Variants in DNAAF6 observed in about 807,000 individuals in gnomAD.
DNAAF6 encodes the protein dynein axonemal assembly factor 6.
DNAAF6 carries 3 observed loss-of-function variants against 13.7 expected under a neutral mutation model. The observed-to-expected ratio is 0.22, with a 90% confidence interval of 0.10 to 0.56. The LOEUF is 0.56. Ranked by LOEUF, DNAAF6 falls within the 20% of genes least tolerant of loss-of-function variation. The probability of loss-of-function intolerance (pLI) is 0.92; values close to 1 mark genes in which losing one functional copy is unlikely to be tolerated. For missense variants in DNAAF6, 130 were observed against 151.0 expected, an observed-to-expected ratio of 0.86 and a Z score of 0.73; for synonymous variants, 54 against 49.2, an observed-to-expected ratio of 1.10 and a Z score of -0.41.
intron 5 of DNAAF6, among the ~76,000 whole-genome samples, chrX:107,238,317 G>A (rs1036221378): frequency 1.8e-5 from 2 of 111,253 alleles, no homozygotes; most frequent in African/African-American, 6.5e-5. Flanking sequence ...ATACCCAGGA[G>A]TGGAATTGCT....
intron 5 of DNAAF6, among the ~76,000 whole-genome samples, chrX:107,226,755 T>G (rs1928263134): frequency 8.9e-6 from 1 of 111,793 alleles, no homozygotes; most frequent in South Asian, 3.8e-4. Context: ...GATGTTTTAC[T>G]TTGATAGATC....
chrX:107,219,322 T>TA (rs1306404527), intron 4 of DNAAF6, among the ~76,000 whole-genome samples: 1 of 112,214 alleles, frequency 8.9e-6, no homozygotes, highest in Non-Finnish European at 1.9e-5. Context: ...ATGCCATGTT[T>TA]ATTTGTCAAG....
chrX:107,238,837 GTCTCTTT>G, intron 5 of DNAAF6, 78 bp from the exon 6 acceptor site: 2 of 1,148,604 alleles, frequency 1.7e-6, no homozygotes, highest in Non-Finnish European at 2.3e-6. Context: ...ATAAATATTA[GTCTCTTT>G]TCCCCATATA....
At chrX:107,221,343 C>CT (rs1928135573) in intron 4 of DNAAF6, among the ~76,000 whole-genome samples, 1 of 110,219 alleles carries the variant, frequency 9.1e-6, no homozygotes, top group Non-Finnish European at 1.9e-5. Flanking sequence ...CAGCCTCAAC[C>CT]TCCCGGGCTC....
At chrX:107,219,109 AATTG>A in intron 4 of DNAAF6, 140 bp downstream of exon 4, 8 of 792,740 alleles carry the variant, frequency 1.0e-5, no homozygotes, top group Non-Finnish European at 1.3e-5. Context: ...AGGCATGTGT[AATTG>A]ATTATTTTTT....
At chrX:107,239,989 T>G (rs778204840) in intron 6 of DNAAF6, among the ~76,000 whole-genome samples, 3 of 111,922 alleles carry the variant, frequency 2.7e-5, no homozygotes, top group Non-Finnish European at 5.6e-5. Context: ...TGCAAGCTTG[T>G]TAAAAGCACA....
chrX:107,243,447 T>G lies in DNAAF6; in HGVS notation c.*149T>G. 1.0e-5 allele frequency: 8 copies of G among 763,551 alleles called. No homozygotes were observed. The South Asian group carries it at 1.8e-4, about 17-fold the overall frequency. 62.9% of individuals were successfully genotyped at this position (763,551 alleles called of 1,213,427 possible). On this transcript the variant is annotated 3_prime_UTR_variant, in exon 7 of 7. Coordinates refer to ENST00000372453, the MANE Select transcript of DNAAF6 (RefSeq NM_173494.2). ...CAGTTCTAGTGATATTGTGACCATT[T>G]ACAGTAATTTCTATTACTCTGTTAG...
intron 3 of DNAAF6, among the ~76,000 whole-genome samples, chrX:107,217,619 T>G (rs1928024354): frequency 8.9e-6 from 1 of 112,402 alleles, no homozygotes; most frequent in Non-Finnish European, 1.9e-5. Context: ...GAGCTATACA[T>G]TTTTACAGAG....
In DNAAF6 at chrX:107,225,514, T is replaced by C. The variant is rs186619190; in HGVS notation, c.429+2673T>C. ...ATGTGGGGAAAATTGTACCTGAGAA[T>C]TGCCTAAATATGTTATTTGTGTCCT... is the stretch of plus-strand genomic sequence containing the variant. On this transcript the variant is annotated intron_variant, in intron 5 of 6. Coordinates refer to ENST00000372453, the MANE Select transcript of DNAAF6 (RefSeq NM_173494.2). Among the ~76,000 whole-genome samples, 157 of 111,316 alleles carry C rather than the reference T, an allele frequency of 1.4e-3. 1 individual carries two copies. The highest frequency in any genetic ancestry group is 4.9e-3 in the African/African-American group (150 of 30,698).
chrX:107,231,263 A>G (rs926594990), intron 5 of DNAAF6, among the ~76,000 whole-genome samples: 2 of 111,787 alleles, frequency 1.8e-5, no homozygotes, highest in Non-Finnish European at 3.8e-5. Context: ...TGGGATCTAA[A>G]AATCAAAACA....
At chrX:107,221,910 C>CATAATAATA (rs35475398) in intron 4 of DNAAF6, among the ~76,000 whole-genome samples, 1,627 of 98,356 alleles carry the variant, frequency 0.017, 39 homozygotes, top group African/African-American at 0.05. Context: ...TAGCATTAAG[C>CATAATAATA]ATAATAATAA....
chrX:107,232,345 C>T lies in DNAAF6; in HGVS notation c.430-6577C>T, dbSNP rs192439642. Among the ~76,000 whole-genome samples, 3 of 108,994 alleles carry T rather than the reference C, an allele frequency of 2.8e-5. No homozygotes were observed. In the East Asian group the frequency reaches 8.6e-4, roughly 31 times the overall value. The allele number at this position is 108,994 out of a possible 115,157, so 94.6% of individuals were successfully genotyped here. ...TATTTTTATGGCCAGTTCATGCAGG[C>T]ACCCCATAAACCTTTTTCCCAACAT... is the stretch of plus-strand genomic sequence containing the variant. On this transcript the variant is annotated intron_variant, in intron 5 of 6. Coordinates refer to ENST00000372453, the MANE Select transcript of DNAAF6 (RefSeq NM_173494.2).
chrX:107,208,946 A>G (rs1230458366), intron 1 of DNAAF6, among the ~76,000 whole-genome samples: 1 of 112,370 alleles, frequency 8.9e-6, no homozygotes, highest in Non-Finnish European at 1.9e-5. Flanking sequence ...AATATATTTT[A>G]AATTTGAAAC....
intron 4 of DNAAF6, 150 bp from the exon 5 acceptor site, chrX:107,222,595 C>A (rs972498100): frequency 1.0e-5 from 6 of 578,801 alleles, no homozygotes; most frequent in Middle Eastern, 6.3e-4. Context: ...CCTTTATGTT[C>A]TATTATATGC....
At chrX:107,236,838 A>G (rs1449864944) in intron 5 of DNAAF6, among the ~76,000 whole-genome samples, 2 of 112,055 alleles carry the variant, frequency 1.8e-5, no homozygotes, top group East Asian at 5.5e-4. Flanking sequence ...ATGAGTTAAC[A>G]TGTGACGTTA....
intron 6 of DNAAF6, among the ~76,000 whole-genome samples, chrX:107,240,403 G>A (rs768252151): frequency 3.6e-5 from 4 of 111,651 alleles, no homozygotes; most frequent in Non-Finnish European, 7.5e-5. Flanking sequence ...GCTTTTCTCT[G>A]AAATTGCATT....
At chrX:107,220,534 A>G (rs1928100233) in intron 4 of DNAAF6, among the ~76,000 whole-genome samples, 1 of 112,161 alleles carries the variant, frequency 8.9e-6, no homozygotes, top group African/African-American at 3.2e-5. Flanking sequence ...GCTTTATAAG[A>G]TTTTAAAAAT....
intron 5 of DNAAF6, among the ~76,000 whole-genome samples, chrX:107,229,127 CTTTTT>C (rs768372176): frequency 8.3e-4 from 43 of 51,577 alleles, no homozygotes; most frequent in African/African-American, 3.6e-3. Context: ...GTTGACTACT[CTTTTT>C]TTTTTTTTTT....
intron 5 of DNAAF6, among the ~76,000 whole-genome samples, chrX:107,227,128 C>T (rs749039672): frequency 1.2e-4 from 14 of 112,060 alleles, no homozygotes; most frequent in Non-Finnish European, 2.4e-4. Flanking sequence ...GAGACAGAGG[C>T]TCACTTTGTT....
Sources: gnomAD v4.1 joint callset for allele counts (sites outside exome capture counted in the v4.1 genomes callset) on GRCh38, gnomAD v4.1.1 for gene constraint, MANE v1.5 for transcripts, NCBI Gene and HGNC (gene_info 2026-07-23, HGNC 2026-07-21) for gene names.